Variants in RERE observed in about 807,000 individuals in gnomAD.
RERE encodes the protein arginine-glutamic acid dipeptide repeats protein.
A neutral mutation model predicts 146.1 loss-of-function variants in RERE; 40 were observed. The ratio of observed to expected loss-of-function variants is 0.27; its 90% CI spans 0.21 to 0.36. The LOEUF (loss-of-function observed/expected upper bound fraction) is 0.36. RERE is among the 10% of genes least tolerant of loss of function. The probability of loss-of-function intolerance (pLI) is 1.00; values close to 1 mark genes in which losing one functional copy is unlikely to be tolerated. For missense variants in RERE, 1,933 were observed against 2,138.7 expected (o/e 0.90, Z 1.90); for synonymous variants, 1,003 against 866.0 (o/e 1.16, Z -2.78).
chr1:8,538,446 A>G (rs1645754924), intron 7 of RERE, among the ~76,000 whole-genome samples: 1 of 152,212 alleles, frequency 6.6e-6, no homozygotes, highest in Non-Finnish European at 1.5e-5. Flanking sequence ...GTGCACAGCC[A>G]GTTTTTCTAC....
At chr1:8,641,110 C>CAATA (rs1291032899) in intron 2 of RERE, among the ~76,000 whole-genome samples, 1 of 152,146 alleles carries the variant, frequency 6.6e-6, no homozygotes. Flanking sequence ...AAATAGAAGG[C>CAATA]AATATCTGGA....
intron 7 of RERE, among the ~76,000 whole-genome samples, chr1:8,526,305 T>A (rs912743675): frequency 6.6e-6 from 1 of 151,794 alleles, no homozygotes; most frequent in African/African-American, 2.4e-5. Flanking sequence ...TTTTTTTTTT[T>A]TTTTTAAGGT....
intron 1 of RERE, among the ~76,000 whole-genome samples, chr1:8,793,174 AAAAGAAAG>A (rs58369389): frequency 6.1e-4 from 77 of 127,076 alleles, no homozygotes; most frequent in African/African-American, 1.6e-3. Flanking sequence ...AAAAAAAAAA[AAAAGAAAG>A]AAAGAAAGAA....
intron 11 of RERE, among the ~76,000 whole-genome samples, chr1:8,443,475 A>AT: frequency 6.6e-6 from 1 of 151,460 alleles, no homozygotes; most frequent in South Asian, 2.1e-4. Flanking sequence ...AAAAAAAAAA[A>AT]AAAAGAAAGA....
chr1:8,778,898 AT>A (rs1171196393), intron 1 of RERE, among the ~76,000 whole-genome samples: 2 of 151,988 alleles, frequency 1.3e-5, no homozygotes, highest in African/African-American at 2.4e-5. Flanking sequence ...CCCAGGCTAG[AT>A]TGCAGTGGTA....
At chr1:8,749,878 G>A (rs1233017845) in intron 1 of RERE, among the ~76,000 whole-genome samples, 3 of 152,168 alleles carry the variant, frequency 2.0e-5, no homozygotes, top group Admixed American at 6.5e-5. Flanking sequence ...CAGGCCAGGC[G>A]CAGTGGCTCA....
chr1:8,715,907 G>A (rs966440620), intron 1 of RERE, among the ~76,000 whole-genome samples: 3 of 151,874 alleles, frequency 2.0e-5, no homozygotes, highest in South Asian at 2.1e-4. Flanking sequence ...TGTCTGGGGC[G>A]GGACGGGCGG....
intron 7 of RERE, among the ~76,000 whole-genome samples, chr1:8,534,668 T>C (rs1409324311): frequency 2.6e-5 from 4 of 151,952 alleles, no homozygotes; most frequent in African/African-American, 7.3e-5. Context: ...GAGGCCATTA[T>C]TCCGCTAAAT....
At chr1:8,573,468 C>T (rs949306742) in intron 4 of RERE, among the ~76,000 whole-genome samples, 3 of 152,176 alleles carry the variant, frequency 2.0e-5, no homozygotes, top group African/African-American at 4.8e-5. Flanking sequence ...GATCCATCCA[C>T]GCCCTAGTTC....
intron 10 of RERE, among the ~76,000 whole-genome samples, chr1:8,480,462 G>A (rs11811360): frequency 0.028 from 4,171 of 147,722 alleles, 169 homozygotes; most frequent in African/African-American, 0.098. Context: ...TTTAGACGAA[G>A]GCTTGCTCTG....
At chr1:8,508,590 A>T in intron 8 of RERE, 37 bp downstream of exon 8, 3 of 1,520,004 alleles carry the variant, frequency 2.0e-6, no homozygotes, top group Non-Finnish European at 2.7e-6. Flanking sequence ...AATAAGAAAC[A>T]AAAACCTATT....
At chr1:8,506,039 A>G (rs1645245607) in intron 8 of RERE, among the ~76,000 whole-genome samples, 1 of 152,168 alleles carries the variant, frequency 6.6e-6, no homozygotes, top group Non-Finnish European at 1.5e-5. Flanking sequence ...TTCCTTAGGA[A>G]CTACATTTTC....
chr1:8,645,874 C>T (rs1647282234), intron 2 of RERE, among the ~76,000 whole-genome samples: 1 of 152,032 alleles, frequency 6.6e-6, no homozygotes, highest in Non-Finnish European at 1.5e-5. Context: ...GAATAACTTC[C>T]TAATATACAT....
At chr1:8,588,235 C>A (rs576198833) in intron 4 of RERE, among the ~76,000 whole-genome samples, 3 of 152,248 alleles carry the variant, frequency 2.0e-5, no homozygotes, top group African/African-American at 7.2e-5. Flanking sequence ...TTTCAAAAGA[C>A]CAATTAACAC....
chr1:8,798,173 T>C (rs1402584068), intron 1 of RERE, among the ~76,000 whole-genome samples: 1 of 152,040 alleles, frequency 6.6e-6, no homozygotes, highest in African/African-American at 2.4e-5. Flanking sequence ...GACAGGTGGA[T>C]CACCTGAGAT....
intron 4 of RERE, among the ~76,000 whole-genome samples, chr1:8,585,798 G>A (rs578214908): frequency 1.2e-4 from 18 of 152,134 alleles, no homozygotes; most frequent in Non-Finnish European, 2.2e-4. Context: ...TATATAAATT[G>A]TGCAACTGGG....
intron 1 of RERE, among the ~76,000 whole-genome samples, chr1:8,667,571 G>T (rs1289534527): frequency 6.6e-6 from 1 of 152,168 alleles, no homozygotes; most frequent in Non-Finnish European, 1.5e-5. Flanking sequence ...CAGCTACTTG[G>T]GAGGCTGAGG....
chr1:8,572,428 T>C (rs1185367025), intron 4 of RERE, among the ~76,000 whole-genome samples: 2 of 152,198 alleles, frequency 1.3e-5, no homozygotes, highest in Admixed American at 1.3e-4. Flanking sequence ...TGCTAGAGAA[T>C]ACTACAGACA....
At chr1:8,709,951 G>A (rs745434383) in intron 1 of RERE, among the ~76,000 whole-genome samples, 4 of 152,124 alleles carry the variant, frequency 2.6e-5, no homozygotes, top group South Asian at 2.1e-4. Context: ...TTGTTGGTTT[G>A]GTTTTGGATT....
Sources: gnomAD v4.1 joint callset for allele counts (sites outside exome capture counted in the v4.1 genomes callset) on GRCh38, gnomAD v4.1.1 for gene constraint, MANE v1.5 for transcripts, NCBI Gene and HGNC (gene_info 2026-07-23, HGNC 2026-07-21) for gene names.